Variants in MYZAP observed in about 807,000 individuals in gnomAD.
MYZAP encodes the protein GRINL1A complex locus upstream.
Under a neutral mutation model 69.4 loss-of-function variants are expected in MYZAP, and 66 were observed. The observed-to-expected ratio is 0.95, with a 90% CI of 0.78 to 1.17. The LOEUF is 1.17. Ranked by LOEUF, MYZAP falls within the 50% of genes most tolerant of loss-of-function variation. The pLI is 0.00. For synonymous variants in MYZAP, 256 were observed against 205.9 expected (o/e 1.24, Z -2.09); for missense variants, 611 against 556.2 (o/e 1.10, Z -0.99).
intron 10 of MYZAP, among the ~76,000 whole-genome samples, chr15:57,641,621 G>T (rs1159841392): frequency 6.6e-6 from 1 of 152,098 alleles, no homozygotes; most frequent in Non-Finnish European, 1.5e-5. Flanking sequence ...GGCTGGCTGG[G>T]TTTCCACAGT....
intron 4 of MYZAP, among the ~76,000 whole-genome samples, chr15:57,622,929 C>T (rs2035905609): frequency 6.6e-6 from 1 of 152,158 alleles, no homozygotes; most frequent in Non-Finnish European, 1.5e-5. Context: ...AATTATTTGT[C>T]CTTCGTATCA....
At position 57,625,771 on chromosome 15, in the gene MYZAP, C is replaced by G; in HGVS notation, c.412-8C>G. The G allele has an allele frequency of 6.2e-7, 1 of 1,613,626 alleles. No homozygotes were observed. The highest frequency in any genetic ancestry group is 1.3e-5 in the African/African-American group (1 of 75,006). ...GATTTTGTGTGACTGTCTCCTCGAT[C>G]TGTCCAGGTTTCCCATGCTCAGCAG... On this transcript the variant is annotated splice_polypyrimidine_tract_variant and splice_region_variant and intron_variant, in intron 4 of 12. Transcript: ENST00000267853.
At chr15:57,615,118 G>T (rs2035347735) in intron 2 of MYZAP, among the ~76,000 whole-genome samples, 1 of 152,058 alleles carries the variant, frequency 6.6e-6, no homozygotes, top group Non-Finnish European at 1.5e-5. Flanking sequence ...TTTAGACCCT[G>T]ACATTTACAC....
At chr15:57,596,868 A>C (rs2034094616) in intron 1 of MYZAP, among the ~76,000 whole-genome samples, 1 of 152,108 alleles carries the variant, frequency 6.6e-6, no homozygotes, top group African/African-American at 2.4e-5. Context: ...CTGAAACCTC[A>C]ACCCTCCTTC....
chr15:57,649,880 T>C (rs1286996342), intron 10 of MYZAP, among the ~76,000 whole-genome samples: 9 of 152,340 alleles, frequency 5.9e-5, no homozygotes, highest in African/African-American at 2.2e-4. Flanking sequence ...CAATAATATG[T>C]CATGCACTTT....
chr15:57,669,550 T>C (rs11071340), intron 11 of MYZAP, among the ~76,000 whole-genome samples: 138,128 of 152,128 alleles, frequency 0.91, 63,602 homozygotes, highest in Non-Finnish European at 0.98. Context: ...GATAGTGGGT[T>C]ATCAATTTTT....
At chr15:57,650,357 C>A (rs1267598602) in intron 10 of MYZAP, among the ~76,000 whole-genome samples, 1 of 152,096 alleles carries the variant, frequency 6.6e-6, no homozygotes, top group Admixed American at 6.6e-5. Context: ...TTAAGAAGAG[C>A]CTCTTATGAG....
chr15:57,608,592 C>T (rs1206577190), intron 2 of MYZAP, among the ~76,000 whole-genome samples: 1 of 152,198 alleles, frequency 6.6e-6, no homozygotes, highest in African/African-American at 2.4e-5. Context: ...ACAGCTTCCT[C>T]ATCTTTAAAG....
intron 11 of MYZAP, among the ~76,000 whole-genome samples, chr15:57,663,405 G>T (rs2038408328): frequency 6.6e-6 from 1 of 152,198 alleles, no homozygotes; most frequent in Non-Finnish European, 1.5e-5. Context: ...GTTTATCTGG[G>T]AGGCGATCTC....
At chr15:57,672,279 A>G (rs1019706971) in intron 11 of MYZAP, among the ~76,000 whole-genome samples, 1 of 152,138 alleles carries the variant, frequency 6.6e-6, no homozygotes, top group East Asian at 1.9e-4. Flanking sequence ...ATTTTACTTT[A>G]TCTCTACTGC....
At chr15:57,598,148 G>T (rs76847864) in intron 1 of MYZAP, among the ~76,000 whole-genome samples, 1 of 152,138 alleles carries the variant, frequency 6.6e-6, no homozygotes, top group Non-Finnish European at 1.5e-5. Flanking sequence ...GAAGTTGAGA[G>T]CATGATGTTA....
chr15:57,638,437 G>A (rs1482301867), intron 9 of MYZAP, among the ~76,000 whole-genome samples: 1 of 152,254 alleles, frequency 6.6e-6, no homozygotes, highest in East Asian at 1.9e-4. Flanking sequence ...GTTGTTAAGA[G>A]AACTATTGGG....
chr15:57,646,734 G>T (rs2037466220), intron 10 of MYZAP: 3 of 986,206 alleles, frequency 3.0e-6, no homozygotes, highest in Admixed American at 6.1e-5. Flanking sequence ...TTCCTGAATG[G>T]ATATCAATAC....
At chr15:57,681,583 A>C (rs2140672043) in intron 12 of MYZAP, among the ~76,000 whole-genome samples, 1 of 152,334 alleles carries the variant, frequency 6.6e-6, no homozygotes, top group Non-Finnish European at 1.5e-5. Flanking sequence ...CAGGGGTTCA[A>C]GACCAGACTG....
chr15:57,601,418 C>T (rs1477451166), intron 1 of MYZAP, among the ~76,000 whole-genome samples: 5 of 152,022 alleles, frequency 3.3e-5, no homozygotes, highest in African/African-American at 1.2e-4. Flanking sequence ...GTCTGAGTTA[C>T]ACTTTGATGC....
In MYZAP at chr15:57,632,457, TG is replaced by T; in HGVS notation, c.703del (p.Ala235LeufsTer3). On this transcript the variant is annotated frameshift_variant, in exon 7 of 13. Coordinates refer to ENST00000267853, the MANE Select transcript of MYZAP (RefSeq NM_001018100.5). LOFTEE classifies it high-confidence loss of function. ...MKVESSQEAN[A>X]EVMREMTKKL... ...AGGTGGAATCGTCCCAAGAAGCCAA[TG>T]CTGAGGTGATGCGAGAGATGACCAA... 1 of 1,614,124 alleles carries T rather than the reference TG, an allele frequency of 6.2e-7. No individual in the cohort carries two copies. Among genetic ancestry groups the T allele is most frequent in the Admixed American group, 1.7e-5 (1 of 60,014 alleles).
intron 11 of MYZAP, among the ~76,000 whole-genome samples, chr15:57,670,632 T>A (rs941514642): frequency 6.6e-6 from 1 of 152,102 alleles, no homozygotes; most frequent in Non-Finnish European, 1.5e-5. Context: ...ATTTGTTTTC[T>A]GTTTGTTCCT....
chr15:57,629,554 T>G (rs2036370459), intron 5 of MYZAP, 148 bp from the exon 6 acceptor site: 10 of 1,141,104 alleles, frequency 8.8e-6, no homozygotes, highest in Non-Finnish European at 1.2e-5. Flanking sequence ...CCACAGTCCC[T>G]CACAGCACAG....
At chr15:57,598,729 C>G (rs2034224214) in intron 1 of MYZAP, among the ~76,000 whole-genome samples, 1 of 152,332 alleles carries the variant, frequency 6.6e-6, no homozygotes, top group Non-Finnish European at 1.5e-5. Flanking sequence ...AGTTCAGCCC[C>G]TATCTGTTTG....
Sources: allele counts gnomAD v4.1 joint callset (sites outside exome capture counted in the v4.1 genomes callset), GRCh38; gene constraint gnomAD v4.1.1; transcripts MANE v1.5; gene names NCBI Gene and HGNC (gene_info 2026-07-23, HGNC 2026-07-21).